CDK10: variants seen among roughly 807,000 people sequenced by gnomAD.
The protein encoded by CDK10 is cyclin-dependent kinase 10.
Under a neutral mutation model 51.0 loss-of-function variants are expected in CDK10, and 55 were observed. The observed-to-expected ratio is 1.08, with a 90% CI of 0.87 to 1.35. CDK10 has a LOEUF of 1.35. Ranked by LOEUF, CDK10 falls within the 40% of genes most tolerant of loss-of-function variation. The probability of loss-of-function intolerance (pLI) is 0.00; values close to 1 mark genes in which losing one functional copy is unlikely to be tolerated. For synonymous variants in CDK10, 255 were observed against 199.1 expected, an observed-to-expected ratio of 1.28 and a Z score of -2.36; for missense variants, 589 against 485.1, an observed-to-expected ratio of 1.21 and a Z score of -2.01.
At chr16:89,694,066 G>T (rs12595968) in intron 8 of CDK10, 107 bp from the exon 9 acceptor site, 121,011 of 1,133,624 alleles carry the variant, frequency 0.11, 9,625 homozygotes, top group Admixed American at 0.33. Flanking sequence ...GTCCGAGTTG[G>T]GACAGGTTTC....
At chr16:89,695,152 T>C (rs1404081971) in intron 11 of CDK10, 82 bp downstream of exon 11, 2 of 1,550,200 alleles carry the variant, frequency 1.3e-6, no homozygotes, top group African/African-American at 2.7e-5. Context: ...CTCACTGCGG[T>C]GGAGAGGCCC....
At chr16:89,688,161 A>G (rs1353438455) in intron 1 of CDK10, among the ~76,000 whole-genome samples, 2 of 146,520 alleles carry the variant, frequency 1.4e-5, no homozygotes, top group Non-Finnish European at 3.0e-5. Context: ...GGCTCACTGC[A>G]AGCTCCACCT....
Position 89,692,470 on chromosome 16 carries a change from G to A in CDK10, c.439G>A (p.Val147Met). The A allele has an allele frequency of 1.3e-6, 2 of 1,596,758 alleles. No individual in the cohort carries two copies. Among genetic ancestry groups the A allele is most frequent in the Non-Finnish European group, 1.7e-6 (2 of 1,171,356 alleles). Residue 147 changes from valine (V) to methionine (M), a missense_variant, in exon 6 of 13, where the codon GTG becomes ATG. Coordinates refer to ENST00000353379, the MANE Select transcript of CDK10 (RefSeq NM_052988.5). ...ACAGGTCAAGTGCATCGTGCTGCAG[G>A]TGCTCCGGGGCCTCCAGTATCTGCA... ...EAQVKCIVLQVLRGLQYLHRN... is the reference protein window; with the variant it reads ...EAQVKCIVLQMLRGLQYLHRN...
intron 1 of CDK10, 40 bp downstream of exon 1, chr16:89,686,837 T>C: frequency 4.5e-6 from 7 of 1,540,092 alleles, no homozygotes; most frequent in South Asian, 1.1e-5. Context: ...CCCGCCTCGC[T>C]AGCGGCACTG....
At chr16:89,690,497 A>G (rs1479484934) in intron 2 of CDK10, 56 bp from the exon 3 acceptor site, 14 of 1,492,320 alleles carry the variant, frequency 9.4e-6, no homozygotes, top group Non-Finnish European at 1.9e-6. Context: ...GTTCAGCGCT[A>G]GGGAGCCCAC....
Position 89,692,509 on chromosome 16 carries a change from A to T in CDK10, c.478A>T (p.Ile160Phe), listed in dbSNP as rs779214756. 1 of 1,590,532 alleles carries T rather than the reference A, an allele frequency of 6.3e-7. No homozygotes were observed. Among genetic ancestry groups the T allele is most frequent in the Non-Finnish European group, 8.6e-7 (1 of 1,168,296 alleles). Residue 160 changes from isoleucine (I) to phenylalanine (F), a missense_variant, in exon 6 of 13, where the codon ATC becomes TTC. Ile to Phe is a conservative substitution (Grantham distance 21). Coordinates refer to ENST00000353379, the MANE Select transcript of CDK10 (RefSeq NM_052988.5). Reference protein sequence around the residue: ...GLQYLHRNFIIHRDLKVSNLL... With the variant: ...GLQYLHRNFIFHRDLKVSNLL... ...CCAGTATCTGCACAGGAACTTCATT[A>T]TCCACAGGTGGGTGACAGCTAGGCA... is the stretch of plus-strand genomic sequence containing the variant.
rs762152056 is a variant in CDK10, at chr16:89,686,773, C to T, written c.63C>T (p.Phe21=). 6.2e-6 allele frequency: 10 copies of T among 1,612,316 alleles called. No individual in the cohort carries two copies. The highest frequency in any genetic ancestry group is 2.2e-5 in the East Asian group (1 of 44,796). ...IRLKCIRKEG[F]FTVPPEHRLG... The stretch of plus-strand genomic sequence containing the variant: ...TGAAGTGTATTCGTAAGGAGGGCTT[C>T]TTCACGGTGCCTCCGGAACACAGGG... Residue 21 remains phenylalanine, a synonymous_variant, in exon 1 of 13, where the codon TTC becomes TTT. Transcript: ENST00000353379.
At chr16:89,689,480 G>A (rs1196049503) in intron 2 of CDK10, 156 bp downstream of exon 2, 2 of 649,126 alleles carry the variant, frequency 3.1e-6, no homozygotes, top group Non-Finnish European at 5.6e-6. Flanking sequence ...AATTCCTGAT[G>A]TAGTTATCAC....
rs539976063 is a variant in CDK10 at position 89,692,679 on chromosome 16, G to C, written c.485+163G>C. 1.2e-5 allele frequency: 6 copies of C among 495,820 alleles called. No homozygotes were observed. The South Asian group carries it at 1.8e-4, about 15-fold the overall frequency. 30.7% of individuals were successfully genotyped at this position (495,820 alleles called of 1,614,324 possible). A position where few individuals can be genotyped will look rare whatever the true frequency, so the allele number is the denominator to read the frequency against. On this transcript the variant is annotated intron_variant, in intron 6 of 12. Coordinates refer to ENST00000353379, the MANE Select transcript of CDK10 (RefSeq NM_052988.5). Reference sequence around the variant, plus strand: ...TCTAAAATAGAGAAGGGGTCTCTCTGTGTTGCCCAGGCTGGTCTCACACAC... The same window carrying C: ...TCTAAAATAGAGAAGGGGTCTCTCTCTGTTGCCCAGGCTGGTCTCACACAC...
At chr16:89,687,812 G>C (rs2060266027) in intron 1 of CDK10, 1 of 349,426 alleles carries the variant, frequency 2.9e-6, no homozygotes, top group Admixed American at 3.7e-5. Context: ...CACAAGCAGA[G>C]GATGTGAGAA....
chr16:89,691,760 C>T (rs201726981), intron 4 of CDK10, 46 bp from the exon 5 acceptor site: 3 of 1,579,192 alleles, frequency 1.9e-6, no homozygotes, highest in African/African-American at 2.7e-5. Context: ...ACTTCCACCC[C>T]TTAGGAGAAG....
At chr16:89,689,644 C>T (rs1444826757) in intron 2 of CDK10, 2 of 303,974 alleles carry the variant, frequency 6.6e-6, no homozygotes, top group Admixed American at 9.3e-5. Flanking sequence ...ATGTCTATCA[C>T]CTCAGCAACT....
intron 1 of CDK10, chr16:89,687,374 C>G: frequency 2.3e-6 from 1 of 433,188 alleles, no homozygotes; most frequent in Admixed American, 2.4e-5. Flanking sequence ...GAACTTTGGC[C>G]GCTGGTTTGT....
intron 11 of CDK10, 22 bp downstream of exon 11, chr16:89,695,092 G>T: frequency 6.2e-7 from 1 of 1,605,064 alleles, no homozygotes; most frequent in Non-Finnish European, 8.5e-7. Context: ...TGCACGGGGG[G>T]CAGGGACCCT....
chr16:89,686,758 T>C lies in CDK10; in HGVS notation c.48T>C (p.Ile16=), dbSNP rs1441565408. ...LECEQIRLKC[I]RKEGFFTVPP... Reference sequence around the variant, plus strand: ...GCGAGCAGATCCGTCTGAAGTGTATTCGTAAGGAGGGCTTCTTCACGGTGC... The same window carrying C: ...GCGAGCAGATCCGTCTGAAGTGTATCCGTAAGGAGGGCTTCTTCACGGTGC... The change falls in exon 1 of 13, where the codon ATT becomes ATC. Residue 16 remains isoleucine, a synonymous_variant. Coordinates refer to ENST00000353379, the MANE Select transcript of CDK10 (RefSeq NM_052988.5). 1 of 1,612,412 alleles carries C rather than the reference T, an allele frequency of 6.2e-7. No individual in the cohort carries two copies. The highest frequency in any genetic ancestry group is 1.7e-5 in the Admixed American group (1 of 59,952).
chr16:89,687,559 C>A, intron 1 of CDK10: 1 of 453,840 alleles, frequency 2.2e-6, no homozygotes, highest in South Asian at 1.5e-5. Flanking sequence ...GTGAGTTGGC[C>A]TTTTCTTTTT....
intron 2 of CDK10, chr16:89,689,777 A>T (rs62068362): frequency 0.13 from 20,956 of 156,438 alleles, 1,679 homozygotes; most frequent in East Asian, 0.29. Flanking sequence ...TCGACCTCCT[A>T]GGCTCAAGTG....
intron 2 of CDK10, 34 bp downstream of exon 2, chr16:89,689,358 C>G: frequency 6.3e-7 from 1 of 1,587,754 alleles, no homozygotes; most frequent in Non-Finnish European, 8.6e-7. Context: ...GTGGCCGCAG[C>G]TCGTGGCTGT....
Position 89,695,735 on chromosome 16 carries a change from C to A in CDK10, c.*43C>A, listed in dbSNP as rs367679623. 1.3e-6 allele frequency: 2 copies of A among 1,590,572 alleles called. No individual in the cohort carries two copies. The highest frequency in any genetic ancestry group is 1.7e-6 in the Non-Finnish European group (2 of 1,171,190). ...GCCTGTATTCCCACACCAGGTCTTC[C>A]GATCAGTGGTGTCTGTGAAGGGTGC... On this transcript the variant is annotated 3_prime_UTR_variant, in exon 13 of 13. Coordinates refer to ENST00000353379, the MANE Select transcript of CDK10 (RefSeq NM_052988.5).
Sources: gnomAD v4.1 joint callset for allele counts (sites outside exome capture counted in the v4.1 genomes callset) on GRCh38, gnomAD v4.1.1 for gene constraint, MANE v1.5 for transcripts, NCBI Gene and HGNC (gene_info 2026-07-23, HGNC 2026-07-21) for gene names.